The following DOCK11 variants were observed in gnomAD, a reference collection of about 807,000 sequenced individuals.
DOCK11 encodes the protein dedicator of cytokinesis protein 11.
Under a neutral mutation model 169.1 loss-of-function variants are expected in DOCK11, and 70 were observed. That is an observed-to-expected ratio of 0.41 (90% CI 0.34 to 0.51). DOCK11 has a LOEUF of 0.51. Ranked by LOEUF, DOCK11 falls within the 20% of genes least tolerant of loss-of-function variation. The pLI is 0.10. For missense variants in DOCK11, 1,166 were observed against 1,538.8 expected, an observed-to-expected ratio of 0.76 and a Z score of 4.05; for synonymous variants, 529 against 541.3, an observed-to-expected ratio of 0.98 and a Z score of 0.32.
At chrX:118,600,277 T>C (rs948818360) in intron 23 of DOCK11, among the ~76,000 whole-genome samples, 2 of 110,323 alleles carry the variant, frequency 1.8e-5, no homozygotes, top group Non-Finnish European at 3.8e-5. Flanking sequence ...CGTGGTGGCA[T>C]ACGCCTGTAA....
At chrX:118,543,616 A>C in intron 4 of DOCK11, 23 bp downstream of exon 4, 1 of 1,148,297 alleles carries the variant, frequency 8.7e-7, no homozygotes, top group Non-Finnish European at 1.2e-6. Context: ...TTCCAGGGAA[A>C]CATGCAACAG....
chrX:118,668,934 TATAAC>T (rs761772813), intron 45 of DOCK11, among the ~76,000 whole-genome samples: 7 of 111,803 alleles, frequency 6.3e-5, no homozygotes, highest in African/African-American at 2.3e-4. Context: ...TCGCTGTTGT[TATAAC>T]ATAAAGTACA....
intron 14 of DOCK11, among the ~76,000 whole-genome samples, chrX:118,581,228 G>A (rs975750643): frequency 5.4e-5 from 6 of 111,400 alleles, no homozygotes; most frequent in African/African-American, 2.0e-4. Flanking sequence ...GAGATTCTAA[G>A]TTAATTAACT....
chrX:118,618,134 G>C (rs1445306425), intron 30 of DOCK11, among the ~76,000 whole-genome samples: 1 of 111,480 alleles, frequency 9.0e-6, no homozygotes, highest in Non-Finnish European at 1.9e-5. Context: ...AAGTATAAAT[G>C]GATAAGTAAA....
chrX:118,587,991 A>T, intron 16 of DOCK11, 146 bp from the exon 17 acceptor site: 1 of 515,839 alleles, frequency 1.9e-6, no homozygotes, highest in Non-Finnish European at 2.9e-6. Context: ...TAAAGTTGTC[A>T]TGTGATTTTT....
At chrX:118,664,454 G>A (rs769561416) in intron 45 of DOCK11, among the ~76,000 whole-genome samples, 44 of 110,478 alleles carry the variant, frequency 4.0e-4, no homozygotes, top group Admixed American at 7.7e-4. Flanking sequence ...TCAGGAGTTC[G>A]AGACCAGCCT....
chrX:118,623,481 G>T (rs192110245), intron 31 of DOCK11, among the ~76,000 whole-genome samples: 43 of 112,710 alleles, frequency 3.8e-4, no homozygotes, highest in Non-Finnish European at 6.7e-4. Flanking sequence ...TCAGCAGGAA[G>T]TTGGACTAGG....
intron 1 of DOCK11, among the ~76,000 whole-genome samples, chrX:118,506,734 A>G (rs1263229209): frequency 8.9e-6 from 1 of 112,350 alleles, no homozygotes; most frequent in Non-Finnish European, 1.9e-5. Flanking sequence ...GTCTCGAGAA[A>G]TTATTCTTTT....
At chrX:118,615,408 G>A (rs1461750500) in intron 29 of DOCK11, among the ~76,000 whole-genome samples, 192 bp from the exon 30 acceptor site, 3 of 112,204 alleles carry the variant, frequency 2.7e-5, no homozygotes, top group African/African-American at 9.7e-5. Flanking sequence ...TTAGATGCCA[G>A]CCAACAAGCA....
At chrX:118,636,526 AT>A (rs2015391548) in intron 36 of DOCK11, 114 bp downstream of exon 36, 3 of 338,237 alleles carry the variant, frequency 8.9e-6, no homozygotes, top group Non-Finnish European at 1.5e-5. Context: ...AAAATGTTAA[AT>A]TATTTTGATA....
chrX:118,508,673 C>T (rs1223551419), intron 1 of DOCK11, among the ~76,000 whole-genome samples: 1 of 111,730 alleles, frequency 9.0e-6, no homozygotes, highest in Non-Finnish European at 1.9e-5. Context: ...CGAGTGTTTA[C>T]GACATGCTCT....
intron 28 of DOCK11, among the ~76,000 whole-genome samples, chrX:118,611,167 T>TA (rs1320508884): frequency 2.7e-5 from 3 of 112,077 alleles, no homozygotes; most frequent in Non-Finnish European, 1.9e-5. Context: ...TTGTACTAAT[T>TA]TACATTCTCA....
chrX:118,643,342 C>T (rs56396631), intron 39 of DOCK11, 115 bp from the exon 40 acceptor site: 57,868 of 751,698 alleles, frequency 0.077, 1,787 homozygotes, highest in Non-Finnish European at 0.085. Context: ...AAATTATATG[C>T]AAGAGCCTTT....
intron 14 of DOCK11, among the ~76,000 whole-genome samples, chrX:118,580,610 C>T (rs2013599253): frequency 8.9e-6 from 1 of 112,098 alleles, no homozygotes; most frequent in African/African-American, 3.2e-5. Context: ...AGCTACTGTG[C>T]CCGGCCAAGA....
intron 6 of DOCK11, among the ~76,000 whole-genome samples, chrX:118,547,324 A>T (rs1433858198): frequency 9.0e-6 from 1 of 111,655 alleles, no homozygotes; most frequent in African/African-American, 3.3e-5. Context: ...TTTTATCTTA[A>T]TTTAATATTT....
intron 1 of DOCK11, among the ~76,000 whole-genome samples, chrX:118,510,219 G>A (rs2057641598): frequency 8.9e-6 from 1 of 112,249 alleles, no homozygotes; most frequent in Admixed American, 9.4e-5. Context: ...CCTGGGGTCA[G>A]AGGGGTTCCC....
intron 40 of DOCK11, among the ~76,000 whole-genome samples, chrX:118,648,579 A>G (rs1704692908): frequency 1.1e-5 from 1 of 91,700 alleles, no homozygotes; most frequent in Admixed American, 1.4e-4. Context: ...ATACATATAT[A>G]TAAATATATA....
chrX:118,542,519 T>TG (rs369466662), intron 1 of DOCK11, among the ~76,000 whole-genome samples: 308 of 67,096 alleles, frequency 4.6e-3, no homozygotes, highest in Non-Finnish European at 5.5e-3. Context: ...TGTGTGTGTG[T>TG]TTGTGTGTGT....
At chrX:118,564,328 T>G (rs1272881121) in intron 7 of DOCK11, among the ~76,000 whole-genome samples, 2 of 112,966 alleles carry the variant, frequency 1.8e-5, no homozygotes, top group Non-Finnish European at 3.7e-5. Flanking sequence ...CTTCAAAGAT[T>G]AGAAGGAGGA....
Sources: gnomAD v4.1 joint callset for allele counts (sites outside exome capture counted in the v4.1 genomes callset) on GRCh38, gnomAD v4.1.1 for gene constraint, MANE v1.5 for transcripts, NCBI Gene and HGNC (gene_info 2026-07-23, HGNC 2026-07-21) for gene names.